Variants in FGF12 observed in about 807,000 individuals in gnomAD.
The protein encoded by FGF12 is fibroblast growth factor 12B.
In FGF12, 14 loss-of-function variants were observed where a neutral mutation model predicts 23.6. The observed-to-expected ratio is 0.59, with a 90% CI of 0.39 to 0.93. The LOEUF (loss-of-function observed/expected upper bound fraction) is 0.93, where lower values mean the gene tolerates loss of function less well. Among genes scored for constraint, FGF12 ranks in the 40% least tolerant of loss-of-function variants. The probability of loss-of-function intolerance (pLI) is 0.00; values close to 1 mark genes in which losing one functional copy is unlikely to be tolerated. For synonymous variants in FGF12, 62 were observed against 77.3 expected, an observed-to-expected ratio of 0.80 and a Z score of 1.04; for missense variants, 175 against 217.8, an observed-to-expected ratio of 0.80 and a Z score of 1.24.
At chr3:192,601,625 G>A (rs1351901965) in intron 2 of FGF12, among the ~76,000 whole-genome samples, 1 of 152,038 alleles carries the variant, frequency 6.6e-6, no homozygotes, top group African/African-American at 2.4e-5. Context: ...TGAAGATGGG[G>A]AGATCAATCG....
intron 2 of FGF12, among the ~76,000 whole-genome samples, chr3:192,626,690 G>T (rs1228441183): frequency 1.3e-5 from 2 of 152,122 alleles, no homozygotes; most frequent in Non-Finnish European, 2.9e-5. Context: ...ATAGCTCCCT[G>T]CAGCCTCCAA....
chr3:192,614,453 T>G (rs192225371), intron 2 of FGF12, among the ~76,000 whole-genome samples: 6 of 152,034 alleles, frequency 3.9e-5, no homozygotes, highest in Non-Finnish European at 8.8e-5. Flanking sequence ...CAGTGGTAGT[T>G]TGAAAAGGAC....
intron 2 of FGF12, among the ~76,000 whole-genome samples, chr3:192,479,015 A>G (rs1170199424): frequency 6.6e-6 from 1 of 152,248 alleles, no homozygotes; most frequent in Non-Finnish European, 1.5e-5. Flanking sequence ...AAAATATGGA[A>G]GCCTAAAAGA....
chr3:192,353,971 A>C (rs1243215376), intron 3 of FGF12, among the ~76,000 whole-genome samples: 1 of 152,186 alleles, frequency 6.6e-6, no homozygotes, highest in Non-Finnish European at 1.5e-5. Flanking sequence ...TCCTCAGCTA[A>C]CCATTTGGAT....
chr3:192,428,479 C>A (rs181832809), intron 2 of FGF12, among the ~76,000 whole-genome samples: 1 of 152,034 alleles, frequency 6.6e-6, no homozygotes, highest in Admixed American at 6.5e-5. Context: ...AAGGTTCCAT[C>A]TGAAAAATAA....
intron 4 of FGF12, among the ~76,000 whole-genome samples, chr3:192,306,533 G>T (rs910563578): frequency 2.0e-5 from 3 of 152,152 alleles, no homozygotes; most frequent in Non-Finnish European, 4.4e-5. Flanking sequence ...CAGGAGGATT[G>T]CTTGAGTCCA....
At chr3:192,180,962 C>T (rs1716138697) in intron 4 of FGF12, among the ~76,000 whole-genome samples, 2 of 152,068 alleles carry the variant, frequency 1.3e-5, no homozygotes, top group African/African-American at 2.4e-5. Context: ...AACTGTAGTT[C>T]GAGATTGCTA....
intron 4 of FGF12, among the ~76,000 whole-genome samples, chr3:192,278,901 GATA>G (rs1282186653): frequency 6.6e-6 from 1 of 152,150 alleles, no homozygotes; most frequent in East Asian, 1.9e-4. Context: ...TAGTCCTGAA[GATA>G]TCAGTCATGG....
In FGF12 at chr3:192,673,573, G is replaced by A. The variant is rs998376485; in HGVS notation, c.13+53608C>T. Among the ~76,000 whole-genome samples the A allele has an allele frequency of 2.0e-5, 3 of 150,610 alleles. No homozygotes were observed. The Admixed American group carries it at 2.0e-4, about 10-fold the overall frequency. On this transcript the variant is annotated intron_variant, in intron 2 of 5. Coordinates refer to ENST00000445105, the MANE Select transcript of FGF12 (RefSeq NM_004113.6). ...CCCCTGACAGGCTCCAGTGTGTGTT[G>A]CTCCCCTCCCTGTGTCCATGTGTTC...
At chr3:192,437,565 G>A (rs1722065779) in intron 2 of FGF12, among the ~76,000 whole-genome samples, 2 of 152,154 alleles carry the variant, frequency 1.3e-5, no homozygotes, top group African/African-American at 4.8e-5. Flanking sequence ...GGTGGTGGGT[G>A]CCTGTAATCC....
chr3:192,670,907 G>C (rs1717089236), intron 2 of FGF12, among the ~76,000 whole-genome samples: 1 of 152,160 alleles, frequency 6.6e-6, no homozygotes, highest in Non-Finnish European at 1.5e-5. Context: ...ATGTTTTCCA[G>C]GTACAGTGAA....
chr3:192,215,372 C>T (rs1365641309), intron 4 of FGF12, among the ~76,000 whole-genome samples: 1 of 152,148 alleles, frequency 6.6e-6, no homozygotes, highest in African/African-American at 2.4e-5. Context: ...CTTTCTTACC[C>T]TCACACCACT....
chr3:192,694,655 T>C (rs975459507), intron 2 of FGF12, among the ~76,000 whole-genome samples: 5 of 151,630 alleles, frequency 3.3e-5, no homozygotes, highest in African/African-American at 1.2e-4. Context: ...TATACATATA[T>C]ATGTACACAG....
chr3:192,468,932 T>C (rs1400869141), intron 2 of FGF12, among the ~76,000 whole-genome samples: 2 of 152,210 alleles, frequency 1.3e-5, no homozygotes, highest in African/African-American at 4.8e-5. Flanking sequence ...CCCCCATTCA[T>C]TCATTTATTT....
chr3:192,155,597 CT>C (rs1391509721), intron 5 of FGF12, among the ~76,000 whole-genome samples: 1 of 152,146 alleles, frequency 6.6e-6, no homozygotes, highest in Admixed American at 6.5e-5. Flanking sequence ...TGCTTCTGGC[CT>C]TTTGGCTATG....
At chr3:192,561,562 C>A (rs1002815315) in intron 2 of FGF12, among the ~76,000 whole-genome samples, 4 of 152,060 alleles carry the variant, frequency 2.6e-5, no homozygotes, top group Non-Finnish European at 5.9e-5. Flanking sequence ...TGGGGTTTCA[C>A]CGTGTTAGCC....
intron 2 of FGF12, among the ~76,000 whole-genome samples, chr3:192,560,150 A>G (rs898911242): frequency 2.0e-5 from 3 of 152,000 alleles, no homozygotes; most frequent in Non-Finnish European, 4.4e-5. Flanking sequence ...AAGAAGAAAC[A>G]ACAAGGCACA....
At chr3:192,277,551 C>T (rs1713868352) in intron 4 of FGF12, among the ~76,000 whole-genome samples, 2 of 152,140 alleles carry the variant, frequency 1.3e-5, no homozygotes, top group Non-Finnish European at 2.9e-5. Flanking sequence ...CCACAAGAGG[C>T]AAATCTCTTA....
chr3:192,680,307 C>T (rs1032679854), intron 2 of FGF12, among the ~76,000 whole-genome samples: 1 of 152,142 alleles, frequency 6.6e-6, no homozygotes, highest in Non-Finnish European at 1.5e-5. Context: ...AACAAGATGA[C>T]TGCTGCCGAA....
Sources: gnomAD v4.1 joint callset for allele counts (sites outside exome capture counted in the v4.1 genomes callset) on GRCh38, gnomAD v4.1.1 for gene constraint, MANE v1.5 for transcripts, NCBI Gene and HGNC (gene_info 2026-07-23, HGNC 2026-07-21) for gene names.